PTPRM: variants seen among roughly 807,000 people sequenced by gnomAD.
PTPRM encodes receptor-type tyrosine-protein phosphatase mu.
Under a neutral mutation model 186.7 loss-of-function variants are expected in PTPRM, and 47 were observed. The ratio of observed to expected loss-of-function variants is 0.25; its 90% CI spans 0.20 to 0.32. The LOEUF is 0.32. PTPRM is among the 10% of genes least tolerant of loss of function. PTPRM has a pLI of 1.00. For missense variants in PTPRM, 1,494 were observed against 1,865.0 expected, an observed-to-expected ratio of 0.80 and a Z score of 3.66; for synonymous variants, 668 against 674.9, an observed-to-expected ratio of 0.99 and a Z score of 0.16.
At chr18:7,960,970 T>C (rs554119353) in intron 7 of PTPRM, among the ~76,000 whole-genome samples, 3 of 152,288 alleles carry the variant, frequency 2.0e-5, no homozygotes, top group African/African-American at 7.2e-5. Context: ...ATGTTAAGTA[T>C]ATTCAGCCAA....
In PTPRM at chr18:8,319,159, C is replaced by G. The variant is rs1444434232; in HGVS notation, c.2920-19C>G. 2.0e-6 allele frequency: 3 copies of G among 1,487,756 alleles called. No homozygotes were observed. Among genetic ancestry groups the G allele is most frequent in the South Asian group, 2.4e-5 (2 of 84,872 alleles). 92.2% of individuals were successfully genotyped at this position (1,487,756 alleles called of 1,614,324 possible). A position where few individuals can be genotyped will look rare whatever the true frequency, so the allele number is the denominator to read the frequency against. ...ATCGATTTTATGTTTATCAAATATT[C>G]TCTTTTATTTATTTTTAGGGTTATC... On this transcript the variant is annotated intron_variant, in intron 21 of 32. Transcript: ENST00000580170.
chr18:8,195,435 C>G (rs1003917116), intron 14 of PTPRM, among the ~76,000 whole-genome samples: 5 of 152,152 alleles, frequency 3.3e-5, no homozygotes, highest in African/African-American at 1.2e-4. Context: ...TACTAGTTAT[C>G]TACCCAAAGG....
At chr18:8,021,707 G>A (rs2085246948) in intron 7 of PTPRM, among the ~76,000 whole-genome samples, 1 of 152,040 alleles carries the variant, frequency 6.6e-6, no homozygotes, top group African/African-American at 2.4e-5. Flanking sequence ...CTTTTTTATG[G>A]CTGCAGAGTA....
chr18:8,371,017 A>G lies in PTPRM; in HGVS notation c.3171+11A>G, dbSNP rs200748225. The G allele has an allele frequency of 2.7e-6, 4 of 1,509,146 alleles. No individual in the cohort carries two copies. In the Admixed American group the frequency reaches 5.1e-5, roughly 19 times the overall value. 93.5% of individuals were successfully genotyped at this position (1,509,146 alleles called of 1,614,324 possible). A position where few individuals can be genotyped will look rare whatever the true frequency, so the allele number is the denominator to read the frequency against. ...TTTGCTGTTGAAAAGGTAAGTTTTC[A>G]TACTGCTTTTAAAAGCTATGGTCAG... On this transcript the variant is annotated intron_variant, in intron 24 of 32. Coordinates refer to ENST00000580170, the MANE Select transcript of PTPRM (RefSeq NM_001105244.2).
At chr18:7,840,886 G>A (rs2145831827) in intron 2 of PTPRM, among the ~76,000 whole-genome samples, 1 of 152,294 alleles carries the variant, frequency 6.6e-6, no homozygotes, top group Non-Finnish European at 1.5e-5. Context: ...ATAAATTTTA[G>A]TGGAAGTTTG....
At chr18:8,044,586 A>G (rs1339065442) in intron 7 of PTPRM, among the ~76,000 whole-genome samples, 2 of 151,902 alleles carry the variant, frequency 1.3e-5, no homozygotes, top group Non-Finnish European at 2.9e-5. Flanking sequence ...GTGAAACCCC[A>G]TCTCTACTAA....
intron 7 of PTPRM, among the ~76,000 whole-genome samples, chr18:8,021,516 T>C (rs11873710): frequency 0.27 from 40,698 of 151,644 alleles, 6,143 homozygotes; most frequent in African/African-American, 0.41. Flanking sequence ...CTCTCCCTCC[T>C]CTTGCCCCCC....
chr18:8,155,417 A>C (rs1238828347), intron 14 of PTPRM, among the ~76,000 whole-genome samples: 2 of 152,198 alleles, frequency 1.3e-5, no homozygotes, highest in Non-Finnish European at 2.9e-5. Flanking sequence ...TTAAAGAGTT[A>C]GGCATTCTGG....
chr18:7,608,673 A>C (rs372630806), intron 1 of PTPRM, among the ~76,000 whole-genome samples: 10 of 152,192 alleles, frequency 6.6e-5, no homozygotes, highest in Admixed American at 2.0e-4. Flanking sequence ...GATTTTGTTC[A>C]TGAAGGGCCT....
At chr18:8,138,795 A>G (rs537894928) in intron 13 of PTPRM, among the ~76,000 whole-genome samples, 3 of 152,090 alleles carry the variant, frequency 2.0e-5, no homozygotes, top group Admixed American at 1.3e-4. Context: ...TGCCCTCTCT[A>G]TGGTATCATT....
chr18:8,192,229 A>G (rs969915388), intron 14 of PTPRM, among the ~76,000 whole-genome samples: 5 of 152,194 alleles, frequency 3.3e-5, no homozygotes, highest in African/African-American at 1.2e-4. Context: ...CAATATTCGC[A>G]CACATATTCT....
chr18:8,263,557 T>C (rs1352105086), intron 19 of PTPRM, among the ~76,000 whole-genome samples: 1 of 152,234 alleles, frequency 6.6e-6, no homozygotes, highest in Non-Finnish European at 1.5e-5. Context: ...CATCTTTTAC[T>C]AAAATCTAAC....
intron 2 of PTPRM, among the ~76,000 whole-genome samples, chr18:7,859,962 C>G (rs1263581063): frequency 2.0e-5 from 3 of 152,146 alleles, no homozygotes; most frequent in Non-Finnish European, 4.4e-5. Context: ...GGCAAAAGTA[C>G]AAGTGGAGGG....
intron 13 of PTPRM, among the ~76,000 whole-genome samples, chr18:8,125,525 A>C (rs754051276): frequency 1.1e-4 from 16 of 152,106 alleles, no homozygotes; most frequent in Admixed American, 3.3e-4. Context: ...GTTCTACATT[A>C]TTCTTTTTCA....
rs543537758 is a variant in PTPRM, at chr18:7,919,652, T to A, written c.548-6916T>A. On this transcript the variant is annotated intron_variant, in intron 4 of 32. Transcript: ENST00000580170. ...CTAAGATATGTTCTGTTCTGGATAA[T>A]TTTGTATGTACTAATGAAAAGAAAG... Among the ~76,000 whole-genome samples, 5 of 152,280 alleles carry A rather than the reference T, an allele frequency of 3.3e-5. No homozygotes were observed. The East Asian group carries it at 9.6e-4, about 29-fold the overall frequency.
intron 13 of PTPRM, among the ~76,000 whole-genome samples, chr18:8,118,118 T>G (rs1417530345): frequency 6.6e-6 from 1 of 152,204 alleles, no homozygotes; most frequent in Non-Finnish European, 1.5e-5. Flanking sequence ...ATTAGTAAGT[T>G]AATTTCTTAT....
intron 7 of PTPRM, among the ~76,000 whole-genome samples, chr18:7,961,063 G>T (rs1190814572): frequency 1.3e-5 from 2 of 152,120 alleles, no homozygotes; most frequent in Non-Finnish European, 2.9e-5. Flanking sequence ...ATACAGGCAT[G>T]CAATATGTAA....
chr18:7,671,367 G>A (rs904159439), intron 1 of PTPRM, among the ~76,000 whole-genome samples: 1 of 152,150 alleles, frequency 6.6e-6, no homozygotes, highest in African/African-American at 2.4e-5. Context: ...GTGTGCTTTG[G>A]TCCTGAGAGA....
At chr18:7,812,621 A>G (rs564880954) in intron 2 of PTPRM, among the ~76,000 whole-genome samples, 1 of 152,284 alleles carries the variant, frequency 6.6e-6, no homozygotes, top group South Asian at 2.1e-4. Flanking sequence ...TGAAAATAAA[A>G]CTCTACAAAG....
Sources: gnomAD v4.1 joint callset for allele counts (sites outside exome capture counted in the v4.1 genomes callset) on GRCh38, gnomAD v4.1.1 for gene constraint, MANE v1.5 for transcripts, NCBI Gene and HGNC (gene_info 2026-07-23, HGNC 2026-07-21) for gene names.